Variants in CALN1 observed in about 807,000 individuals in gnomAD.
The protein encoded by CALN1 is calcium-binding protein 8.
CALN1 carries 17 observed loss-of-function variants against 30.6 expected under a neutral mutation model. That is an observed-to-expected ratio of 0.56 (90% confidence interval 0.38 to 0.83). The LOEUF is 0.83. CALN1 is among the 40% of genes least tolerant of loss of function. The pLI, the probability that CALN1 is intolerant of heterozygous loss-of-function variation, is 0.00. For missense variants in CALN1, 291 were observed against 354.9 expected, an observed-to-expected ratio of 0.82 and a Z score of 1.45; for synonymous variants, 156 against 131.4, an observed-to-expected ratio of 1.19 and a Z score of -1.28.
chr7:72,035,954 G>A (rs1028324003), intron 4 of CALN1, among the ~76,000 whole-genome samples: 1 of 152,094 alleles, frequency 6.6e-6, no homozygotes, highest in Non-Finnish European at 1.5e-5. Context: ...TGCTTCATAT[G>A]GCTTCAAGTT....
At chr7:72,074,303 A>G (rs1377905125) in intron 4 of CALN1, among the ~76,000 whole-genome samples, 1 of 152,202 alleles carries the variant, frequency 6.6e-6, no homozygotes, top group Admixed American at 6.5e-5. Flanking sequence ...AGTCTGATAT[A>G]GGTCTCAGAG....
chr7:71,948,554 A>C (rs918453266), intron 5 of CALN1, among the ~76,000 whole-genome samples: 1 of 151,922 alleles, frequency 6.6e-6, no homozygotes, highest in Admixed American at 6.6e-5. Flanking sequence ...ACACGGTGAG[A>C]TCCCCGTCTC....
At chr7:72,047,288 A>G (rs1327089795) in intron 4 of CALN1, among the ~76,000 whole-genome samples, 1 of 152,218 alleles carries the variant, frequency 6.6e-6, no homozygotes, top group East Asian at 1.9e-4. Flanking sequence ...ACGAAGATGA[A>G]AAGACAAGAG....
chr7:72,090,256 C>G (rs1211070657), intron 4 of CALN1, among the ~76,000 whole-genome samples: 1 of 152,062 alleles, frequency 6.6e-6, no homozygotes, highest in Non-Finnish European at 1.5e-5. Flanking sequence ...GAGCTGAGAT[C>G]GCGCCACTGC....
chr7:72,355,586 T>C (rs1379702787), intron 2 of CALN1, among the ~76,000 whole-genome samples: 2 of 152,160 alleles, frequency 1.3e-5, no homozygotes, highest in African/African-American at 2.4e-5. Flanking sequence ...AAAGAAAAAT[T>C]TGATCATTTT....
chr7:72,112,872 C>T (rs866355050), intron 3 of CALN1, among the ~76,000 whole-genome samples: 1 of 152,110 alleles, frequency 6.6e-6, no homozygotes, highest in Non-Finnish European at 1.5e-5. Context: ...CAAAATCCCA[C>T]GGAGGTCGAG....
chr7:72,212,249 T>A (rs1334477628), intron 3 of CALN1, among the ~76,000 whole-genome samples: 2 of 150,018 alleles, frequency 1.3e-5, no homozygotes, highest in Non-Finnish European at 2.9e-5. Context: ...CTCGGGAGGC[T>A]GAGGCAGGGG....
intron 3 of CALN1, among the ~76,000 whole-genome samples, chr7:72,258,302 G>A (rs552108660): frequency 6.6e-6 from 1 of 152,176 alleles, no homozygotes; most frequent in South Asian, 2.1e-4. Context: ...GTCTCTTTAT[G>A]GTTCCATTTA....
In CALN1 at chr7:72,177,577, C is replaced by A. The variant is rs144659844; in HGVS notation, c.245-71283G>T. On this transcript the variant is annotated intron_variant, in intron 3 of 6. Coordinates refer to ENST00000395275, the MANE Select transcript of CALN1 (RefSeq NM_031468.4). ...GTCAGGAGTTCGAGACCAGCCTGGC[C>A]AACATGGTGAAACCTCATCTCTACC... Among the ~76,000 whole-genome samples, 885 of 151,990 alleles carry A rather than the reference C, an allele frequency of 5.8e-3. 10 individuals carry two copies. Among genetic ancestry groups the A allele is most frequent in the African/African-American group, 0.02 (829 of 41,454 alleles).
chr7:72,209,907 A>C (rs1477802438), intron 3 of CALN1, among the ~76,000 whole-genome samples: 1 of 152,162 alleles, frequency 6.6e-6, no homozygotes, highest in African/African-American at 2.4e-5. Context: ...GAGCTGTACA[A>C]TATCCTTGGT....
intron 2 of CALN1, among the ~76,000 whole-genome samples, chr7:72,329,075 C>T (rs1029058693): frequency 3.9e-5 from 6 of 152,242 alleles, no homozygotes; most frequent in Non-Finnish European, 7.3e-5. Flanking sequence ...TCATTCATAA[C>T]GCCAACAGCT....
chr7:71,967,333 C>A (rs1360006291), intron 5 of CALN1, among the ~76,000 whole-genome samples: 1 of 151,838 alleles, frequency 6.6e-6, no homozygotes, highest in Non-Finnish European at 1.5e-5. Flanking sequence ...AAAACAAATA[C>A]CTGTTAAAGA....
chr7:72,414,768 T>G (rs1043438809), upstream of CALN1, among the ~76,000 whole-genome samples: 3 of 152,206 alleles, frequency 2.0e-5, no homozygotes, highest in African/African-American at 7.2e-5. Flanking sequence ...TTTTGTGACA[T>G]GCTTGGATGG....
At position 71,790,373 on chromosome 7, in the gene CALN1, AAAGAAAG is replaced by A. The variant is rs1261009394; in HGVS notation, c.659-2478_659-2472del. 9.1e-3 allele frequency among the ~76,000 whole-genome samples: 234 copies of A among 25,818 alleles called. 1 individual carries two copies. The highest frequency in any genetic ancestry group is 0.015 in the Non-Finnish European group (175 of 11,722). 16.9% of individuals were successfully genotyped at this position (25,818 alleles called of 152,430 possible). A position where few individuals can be genotyped will look rare whatever the true frequency, so the allele number is the denominator to read the frequency against. ...AAAGAAAGAAAGAAAGAAAGAAAAG[AAAGAAAG>A]AAAGAAAGAAAGAAAGAAAGAAAGA... On this transcript the variant is annotated intron_variant, in intron 6 of 6. Coordinates refer to ENST00000395275, the MANE Select transcript of CALN1 (RefSeq NM_031468.4).
chr7:72,328,681 G>A (rs1012393950), intron 2 of CALN1, among the ~76,000 whole-genome samples: 2 of 152,136 alleles, frequency 1.3e-5, no homozygotes, highest in African/African-American at 4.8e-5. Flanking sequence ...AGGCATTGGT[G>A]ATCATCGGTG....
At chr7:72,295,913 G>A (rs1022906055) in intron 2 of CALN1, among the ~76,000 whole-genome samples, 10 of 151,810 alleles carry the variant, frequency 6.6e-5, no homozygotes, top group Non-Finnish European at 1.3e-4. Context: ...GAATAGGAGT[G>A]GTGAGAGAGG....
At chr7:72,341,099 A>G (rs1261603140) in intron 2 of CALN1, among the ~76,000 whole-genome samples, 3 of 152,230 alleles carry the variant, frequency 2.0e-5, no homozygotes, top group Admixed American at 2.0e-4. Context: ...AGATGAACAG[A>G]GTTGACAGGA....
intron 2 of CALN1, among the ~76,000 whole-genome samples, chr7:72,341,114 C>A (rs1317164712): frequency 6.6e-6 from 1 of 152,166 alleles, no homozygotes; most frequent in Non-Finnish European, 1.5e-5. Flanking sequence ...ACAGGATCTC[C>A]ATAAGATCTT....
At chr7:71,955,375 T>C (rs922735933) in intron 5 of CALN1, among the ~76,000 whole-genome samples, 3 of 152,128 alleles carry the variant, frequency 2.0e-5, no homozygotes, top group South Asian at 2.1e-4. Context: ...ATCAGTATTC[T>C]AATGGGAATG....
Sources: gnomAD v4.1 joint callset for allele counts (sites outside exome capture counted in the v4.1 genomes callset) on GRCh38, gnomAD v4.1.1 for gene constraint, MANE v1.5 for transcripts, NCBI Gene and HGNC (gene_info 2026-07-23, HGNC 2026-07-21) for gene names.